Variants in FOXN1 observed in about 807,000 individuals in gnomAD.
FOXN1 encodes the protein forkhead box protein N1.
A neutral mutation model predicts 49.0 loss-of-function variants in FOXN1; 15 were observed. That is an observed-to-expected ratio of 0.31 (90% CI 0.20 to 0.47). The LOEUF is 0.47. Among genes scored for constraint, FOXN1 ranks in the 20% least tolerant of loss-of-function variants. The pLI is 1.00. For synonymous variants in FOXN1, 356 were observed against 369.0 expected (o/e 0.96, Z 0.40); for missense variants, 800 against 842.8 (o/e 0.95, Z 0.63).
At chr17:28,511,547 A>T (rs1458195644) in intron 1 of FOXN1, among the ~76,000 whole-genome samples, 1 of 152,100 alleles carries the variant, frequency 6.6e-6, no homozygotes, top group African/African-American at 2.4e-5. Flanking sequence ...GAAATCCTAC[A>T]GGCCTGGGAC....
At chr17:28,511,652 CAGATGAGGTATGTAGGGCAA>C (rs72446080) in intron 1 of FOXN1, among the ~76,000 whole-genome samples, 4,509 of 152,106 alleles carry the variant, frequency 0.03, 205 homozygotes, top group African/African-American at 0.1. Flanking sequence ...CCAGGACAGC[CAGATGAGGTATGTAGGGCAA>C]AGATGAGGAC....
intron 3 of FOXN1, among the ~76,000 whole-genome samples, chr17:28,526,875 C>T (rs1436870423): frequency 6.6e-6 from 1 of 152,148 alleles, no homozygotes; most frequent in East Asian, 1.9e-4. Flanking sequence ...GTCCTTTGCA[C>T]ACCTACTCAG....
chr17:28,531,231 C>G (rs1261811099), intron 6 of FOXN1, among the ~76,000 whole-genome samples: 1 of 152,186 alleles, frequency 6.6e-6, no homozygotes, highest in Non-Finnish European at 1.5e-5. Flanking sequence ...GCTGGAGAAG[C>G]TAGTCAGCCA....
At position 28,527,289 on chromosome 17, in the gene FOXN1, T is replaced by C. The variant is rs1002428746; in HGVS notation, c.627T>C (p.Ser209=). Residue 209 remains serine (S), a synonymous_variant, in exon 4 of 9, where the codon AGT becomes AGC. Coordinates refer to ENST00000579795, the MANE Select transcript of FOXN1 (RefSeq NM_001369369.1). The stretch of plus-strand genomic sequence containing the variant: ...AAGTCAAGCCCCCAGTTCTGGAGAG[T>C]GGTGCTGGGATGTTCTGCTACCAGC... ...EVKVKPPVLE[S]GAGMFCYQPP... 37 of 1,613,762 alleles carry C rather than the reference T, an allele frequency of 2.3e-5. No individual in the cohort carries two copies. Among genetic ancestry groups the C allele is most frequent in the Non-Finnish European group, 3.0e-5 (35 of 1,179,844 alleles).
At chr17:28,509,835 C>T (rs1157527843) in intron 1 of FOXN1, among the ~76,000 whole-genome samples, 4 of 152,190 alleles carry the variant, frequency 2.6e-5, no homozygotes, top group African/African-American at 9.7e-5. Context: ...TCCTATCAGG[C>T]ATGGCGGGCC....
chr17:28,518,142 C>A (rs1349825292), intron 1 of FOXN1, among the ~76,000 whole-genome samples: 5 of 152,060 alleles, frequency 3.3e-5, no homozygotes, highest in African/African-American at 1.2e-4. Flanking sequence ...AGGGTACACA[C>A]CTCCACATGG....
Position 28,534,396 on chromosome 17 carries a change from G to A in FOXN1, c.993G>A (p.Lys331=), listed in dbSNP as rs933053205. 1.9e-6 allele frequency: 3 copies of A among 1,614,064 alleles called. No homozygotes were observed. Among genetic ancestry groups the A allele is most frequent in the East Asian group, 2.2e-5 (1 of 44,894 alleles). The stretch of plus-strand genomic sequence containing the variant: ...TATCCCTCAACAAGTGCTTCGAGAA[G>A]GTGGAGAACAAATCAGGAAGTTCCT... The part of the protein sequence containing the change: ...HNLSLNKCFE[K]VENKSGSSSR... Residue 331 remains lysine, a synonymous_variant, in exon 7 of 9, where the codon AAG becomes AAA. Coordinates refer to ENST00000579795, the MANE Select transcript of FOXN1 (RefSeq NM_001369369.1). The surrounding 1 kb of genome is among the most constrained non-coding windows in gnomAD (Gnocchi z 4.1).
At chr17:28,523,792 T>TTC (rs10527420) in intron 1 of FOXN1, 164 bp from the exon 2 acceptor site, 6,807 of 647,678 alleles carry the variant, frequency 0.011, 36 homozygotes, top group African/African-American at 0.031. Flanking sequence ...CGCTCTCTGG[T>TTC]TCTCTCTCTC....
chr17:28,525,002 C>T, intron 3 of FOXN1, 35 bp downstream of exon 3: 1 of 1,487,846 alleles, frequency 6.7e-7, no homozygotes, highest in Non-Finnish European at 9.3e-7. Context: ...TCCCATCTTC[C>T]CACTGTCCCA....
chr17:28,525,024 C>A, intron 3 of FOXN1, 57 bp downstream of exon 3: 1 of 1,365,768 alleles, frequency 7.3e-7, no homozygotes. Context: ...TTCCTAGCAG[C>A]CTAGAAAGAG....
intron 1 of FOXN1, among the ~76,000 whole-genome samples, chr17:28,523,001 C>T (rs2069672215): frequency 6.6e-6 from 1 of 152,226 alleles, no homozygotes; most frequent in Non-Finnish European, 1.5e-5. Flanking sequence ...GTCACTCTCC[C>T]AGTTAGATGA....
At chr17:28,522,753 G>A (rs2069666082) in intron 1 of FOXN1, among the ~76,000 whole-genome samples, 1 of 152,112 alleles carries the variant, frequency 6.6e-6, no homozygotes, top group African/African-American at 2.4e-5. Context: ...CAGGAGAGTT[G>A]CTTGAACCCG....
chr17:28,508,449 C>A (rs1381191494), intron 1 of FOXN1, among the ~76,000 whole-genome samples: 1 of 152,198 alleles, frequency 6.6e-6, no homozygotes, highest in Non-Finnish European at 1.5e-5. Context: ...TTCCCCCCAT[C>A]CCCCAGACAG....
intron 6 of FOXN1, among the ~76,000 whole-genome samples, chr17:28,532,857 C>T (rs2069946595): frequency 6.6e-6 from 1 of 152,204 alleles, no homozygotes; most frequent in South Asian, 2.1e-4. Flanking sequence ...CCCAAAGTCA[C>T]AGATTCATGG....
At position 28,527,343 on chromosome 17, in the gene FOXN1, C is replaced by T. The variant is rs1235417700; in HGVS notation, c.681C>T (p.Ser227=). 23 of 1,611,152 alleles carry T rather than the reference C, an allele frequency of 1.4e-5. No homozygotes were observed. The highest frequency in any genetic ancestry group is 1.9e-5 in the Non-Finnish European group (22 of 1,177,658). ...CCTTGCAGCATATGTACTGCTCCTC[C>T]CAGCCCCCCTTCCACCAGGTGGGTC... The part of the protein sequence containing the change: ...QPPLQHMYCS[S]QPPFHQYSPG... Residue 227 remains serine (S), a synonymous_variant, in exon 4 of 9, where the codon TCC becomes TCT. Transcript: ENST00000579795.
At position 28,534,636 on chromosome 17, in the gene FOXN1, A is replaced by G; in HGVS notation, c.1136-71A>G. The G allele has an allele frequency of 1.2e-6, 2 of 1,607,122 alleles. No homozygotes were observed. The highest frequency in any genetic ancestry group is 1.7e-6 in the Non-Finnish European group (2 of 1,177,426). On this transcript the variant is annotated intron_variant, in intron 7 of 8. Transcript: ENST00000579795. This position sits in a 1 kb window ranked among gnomAD's most constrained non-coding sequence, Gnocchi z 4.1. Reference sequence around the variant, plus strand: ...AGAGAATGAGGCAAGGCCCCGAGTAAGGGTTCCAGTCTGGGGAAGACTGTG... The same window carrying G: ...AGAGAATGAGGCAAGGCCCCGAGTAGGGGTTCCAGTCTGGGGAAGACTGTG...
intron 1 of FOXN1, among the ~76,000 whole-genome samples, chr17:28,506,889 A>G (rs782564214): frequency 2.0e-5 from 3 of 152,186 alleles, no homozygotes; most frequent in Non-Finnish European, 2.9e-5. Flanking sequence ...GGGGAGCACC[A>G]AGGGTGTGTG....
intron 1 of FOXN1, among the ~76,000 whole-genome samples, chr17:28,519,149 G>T (rs1006077084): frequency 1.3e-5 from 2 of 152,108 alleles, no homozygotes; most frequent in Non-Finnish European, 2.9e-5. Context: ...GCAAAGGGAG[G>T]ATAACATGAG....
chr17:28,510,189 A>G (rs968617817), intron 1 of FOXN1, among the ~76,000 whole-genome samples: 1 of 152,130 alleles, frequency 6.6e-6, no homozygotes, highest in Admixed American at 6.5e-5. Context: ...ACTGTCAGTC[A>G]GCTCCAAATC....
Sources: gnomAD v4.1 joint callset for allele counts (sites outside exome capture counted in the v4.1 genomes callset) on GRCh38, gnomAD v4.1.1 for gene constraint, Gnocchi (gnomAD v3.1) non-coding constraint, MANE v1.5 for transcripts, NCBI Gene and HGNC (gene_info 2026-07-23, HGNC 2026-07-21) for gene names.